Variants in ITPR2 observed in about 807,000 individuals in gnomAD.
The protein encoded by ITPR2 is inositol 1,4,5-trisphosphate receptor type 2, also known as inositol 1,4,5-trisphosphate-gated calcium channel ITPR2.
Under a neutral mutation model 317.1 loss-of-function variants are expected in ITPR2, and 207 were observed. That is an observed-to-expected ratio of 0.65 (90% CI 0.58 to 0.73). The LOEUF (loss-of-function observed/expected upper bound fraction) is 0.73, where lower values mean the gene tolerates loss of function less well. Among genes scored for constraint, ITPR2 ranks in the 30% least tolerant of loss-of-function variants. The pLI, the probability that ITPR2 is intolerant of heterozygous loss-of-function variation, is 0.00. For missense variants in ITPR2, 2,613 were observed against 3,284.0 expected (o/e 0.80, Z 4.99); for synonymous variants, 1,156 against 1,149.1 (o/e 1.01, Z -0.12).
At chr12:26,769,614 A>G (rs922246679) in intron 2 of ITPR2, among the ~76,000 whole-genome samples, 2 of 152,156 alleles carry the variant, frequency 1.3e-5, no homozygotes, top group African/African-American at 4.8e-5. Flanking sequence ...AACAAGTAAG[A>G]CTCACCTACC....
intron 2 of ITPR2, among the ~76,000 whole-genome samples, chr12:26,762,952 T>A (rs1949662267): frequency 6.6e-6 from 1 of 152,172 alleles, no homozygotes; most frequent in African/African-American, 2.4e-5. Context: ...GTCACACTGC[T>A]ATCAGCTTAA....
At chr12:26,507,103 A>G (rs1382242339) in intron 37 of ITPR2, among the ~76,000 whole-genome samples, 1 of 152,198 alleles carries the variant, frequency 6.6e-6, no homozygotes, top group Non-Finnish European at 1.5e-5. Flanking sequence ...GCCTACTTTA[A>G]TATGAGCAAT....
At chr12:26,605,368 G>A (rs1946108818) in intron 26 of ITPR2, among the ~76,000 whole-genome samples, 1 of 144,586 alleles carries the variant, frequency 6.9e-6, no homozygotes, top group Non-Finnish European at 1.5e-5. Context: ...GTGAAGGCTG[G>A]ATTTTTAAAA....
At chr12:26,580,229 A>C in intron 32 of ITPR2, 74 bp from the exon 33 acceptor site, 1 of 1,372,822 alleles carries the variant, frequency 7.3e-7, no homozygotes, top group Non-Finnish European at 9.9e-7. Context: ...GAACCACCTA[A>C]AAATTGTCCT....
intron 55 of ITPR2, among the ~76,000 whole-genome samples, chr12:26,345,639 T>G (rs1267450066): frequency 6.6e-6 from 1 of 152,192 alleles, no homozygotes; most frequent in Non-Finnish European, 1.5e-5. Context: ...ATAGCAGCAT[T>G]CTTACACAGT....
rs768231259 is a variant in ITPR2, at chr12:26,725,633, G to A, written c.279+17C>T. 3 of 1,554,824 alleles carry A rather than the reference G, an allele frequency of 1.9e-6. No homozygotes were observed. In the South Asian group the frequency reaches 3.4e-5, roughly 17 times the overall value. On this transcript the variant is annotated intron_variant, in intron 3 of 56. Coordinates refer to ENST00000381340, the MANE Select transcript of ITPR2 (RefSeq NM_002223.4). Reference sequence around the variant, plus strand: ...CTTGGTTAGCCTAAGCCAGACAATTGGAATCCTGGTCCTTACCTGTAGTTT... The same window carrying A: ...CTTGGTTAGCCTAAGCCAGACAATTAGAATCCTGGTCCTTACCTGTAGTTT...
At chr12:26,571,645 A>G (rs1386229009) in intron 34 of ITPR2, among the ~76,000 whole-genome samples, 3 of 152,236 alleles carry the variant, frequency 2.0e-5, no homozygotes, top group Non-Finnish European at 4.4e-5. Flanking sequence ...GTCAGTGCAG[A>G]AGGGATTCAG....
chr12:26,725,565 G>A (rs117524006), intron 3 of ITPR2, 85 bp downstream of exon 3: 524 of 881,276 alleles, frequency 5.9e-4, no homozygotes, highest in Admixed American at 2.0e-3. Context: ...TGGGTGAAAG[G>A]ACAAAGCTAG....
intron 21 of ITPR2, 120 bp downstream of exon 21, chr12:26,653,856 G>A: frequency 1.4e-6 from 1 of 711,430 alleles, no homozygotes; most frequent in Non-Finnish European, 2.3e-6. Flanking sequence ...CATAGGAATT[G>A]TGTTCATATG....
At chr12:26,777,342 G>A (rs1949992751) in intron 2 of ITPR2, among the ~76,000 whole-genome samples, 1 of 152,164 alleles carries the variant, frequency 6.6e-6, no homozygotes. Context: ...AGATTTGTGA[G>A]GGCAGCACCT....
At chr12:26,658,442 C>T (rs1178491421) in intron 16 of ITPR2, among the ~76,000 whole-genome samples, 1 of 152,124 alleles carries the variant, frequency 6.6e-6, no homozygotes, top group Non-Finnish European at 1.5e-5. Flanking sequence ...GTGAGTCTCC[C>T]CAGAGCTGAA....
At position 26,817,202 on chromosome 12, in the gene ITPR2, AG is replaced by A. The variant is rs768621335; in HGVS notation, c.92+15487del. ...TTTCAAAAAAAAAAAAAAAAAAAAA[AG>A]GGCAGTACGAACAAAGCACAGAGCT... On this transcript the variant is annotated intron_variant, in intron 1 of 56. Transcript: ENST00000381340. Among the ~76,000 whole-genome samples, 8 of 149,970 alleles carry A rather than the reference AG, an allele frequency of 5.3e-5. 1 individual carries two copies. The highest frequency in any genetic ancestry group is 2.1e-4 in the South Asian group (1 of 4,746).
At chr12:26,579,974 C>G in intron 33 of ITPR2, 53 bp downstream of exon 33, 1 of 1,534,316 alleles carries the variant, frequency 6.5e-7, no homozygotes, top group Non-Finnish European at 8.8e-7. Context: ...ATTTCTCCTA[C>G]TCAAATAAGA....
intron 37 of ITPR2, among the ~76,000 whole-genome samples, chr12:26,516,340 A>AGGAAAGGAAG (rs1943516833): frequency 1.4e-5 from 2 of 141,058 alleles, no homozygotes; most frequent in Non-Finnish European, 1.6e-5. Flanking sequence ...AGGAAAGGAA[A>AGGAAAGGAAG]GGAAAGGAAA....
At chr12:26,613,064 G>A (rs551861964) in intron 26 of ITPR2, among the ~76,000 whole-genome samples, 13 of 152,212 alleles carry the variant, frequency 8.5e-5, no homozygotes, top group East Asian at 3.9e-4. Flanking sequence ...GTGTTCGTTC[G>A]TTGAGGGCAA....
At chr12:26,347,358 A>G (rs993488476) in intron 55 of ITPR2, among the ~76,000 whole-genome samples, 11 of 152,222 alleles carry the variant, frequency 7.2e-5, no homozygotes, top group Admixed American at 6.5e-4. Context: ...TATAAAAAGC[A>G]AGAACTGTGG....
At chr12:26,832,665 T>C (rs1951135616) in intron 1 of ITPR2, 25 bp downstream of exon 1, 2 of 1,556,332 alleles carry the variant, frequency 1.3e-6, no homozygotes, top group Admixed American at 3.5e-5. Flanking sequence ...GCGCGAGCGC[T>C]GCCCAGCCCT....
chr12:26,819,375 T>C (rs1027893820), intron 1 of ITPR2, among the ~76,000 whole-genome samples: 1 of 152,212 alleles, frequency 6.6e-6, no homozygotes, highest in African/African-American at 2.4e-5. Context: ...ATGATATAAA[T>C]TAACGAGGAA....
intron 34 of ITPR2, among the ~76,000 whole-genome samples, chr12:26,567,100 T>C (rs189391905): frequency 3.9e-5 from 6 of 152,258 alleles, no homozygotes; most frequent in South Asian, 2.1e-4. Flanking sequence ...GGGGAGGAGA[T>C]TGGGATTTAT....
Sources: allele counts gnomAD v4.1 joint callset (sites outside exome capture counted in the v4.1 genomes callset), GRCh38; gene constraint gnomAD v4.1.1; transcripts MANE v1.5; gene names NCBI Gene and HGNC (gene_info 2026-07-23, HGNC 2026-07-21).